Variants in OPRM1 observed in about 807,000 individuals in gnomAD.
OPRM1 encodes the protein mu-type opioid receptor.
Under a neutral mutation model 31.8 loss-of-function variants are expected in OPRM1, and 27 were observed. That is an observed-to-expected ratio of 0.85 (90% CI 0.63 to 1.17). The LOEUF (loss-of-function observed/expected upper bound fraction) is 1.17. OPRM1 is among the 50% of genes most tolerant of loss of function. OPRM1 has a pLI of 0.00. For missense variants in OPRM1, 536 were observed against 511.1 expected, an observed-to-expected ratio of 1.05 and a Z score of -0.47; for synonymous variants, 196 against 189.9, an observed-to-expected ratio of 1.03 and a Z score of -0.26.
chr6:154,013,931 T>G (rs1777865031), intron 1 of OPRM1, among the ~76,000 whole-genome samples: 1 of 152,154 alleles, frequency 6.6e-6, no homozygotes, highest in Non-Finnish European at 1.5e-5. Context: ...AGTCATATTG[T>G]TGATCCTAGA....
At chr6:154,149,551 T>C (rs1408060300) in intron 3 of OPRM1, among the ~76,000 whole-genome samples, 1 of 152,098 alleles carries the variant, frequency 6.6e-6, no homozygotes, top group Non-Finnish European at 1.5e-5. Flanking sequence ...ATTGTGACTT[T>C]CTTTTGAAGC....
chr6:154,199,991 T>C (rs752204382), intron 3 of OPRM1: 34 of 1,614,074 alleles, frequency 2.1e-5, no homozygotes, highest in Non-Finnish European at 2.9e-5. Context: ...AGAGAAAGAA[T>C]ACGACGTTCC....
intron 3 of OPRM1, among the ~76,000 whole-genome samples, chr6:154,116,312 C>T (rs1221569462): frequency 3.3e-5 from 5 of 152,002 alleles, no homozygotes; most frequent in Admixed American, 2.0e-4. Flanking sequence ...TTCAGTTGGG[C>T]GTGGTGCCTC....
At chr6:154,243,229 C>T (rs1016201961) in intron 3 of OPRM1, among the ~76,000 whole-genome samples, 3 of 152,124 alleles carry the variant, frequency 2.0e-5, no homozygotes, top group Admixed American at 1.3e-4. Flanking sequence ...AGGAAGTGAA[C>T]GTGTACCTTC....
At chr6:154,049,794 T>C (rs569695650) in intron 1 of OPRM1, among the ~76,000 whole-genome samples, 1 of 152,274 alleles carries the variant, frequency 6.6e-6, no homozygotes, top group East Asian at 1.9e-4. Flanking sequence ...AAATTTAAAA[T>C]ATATACAGCG....
At chr6:154,176,105 TTCAACAAAAA>T (rs1344410254) in intron 3 of OPRM1, among the ~76,000 whole-genome samples, 3 of 152,152 alleles carry the variant, frequency 2.0e-5, no homozygotes, top group Admixed American at 6.5e-5. Context: ...AGAAAAGGCC[TTCAACAAAAA>T]TCAACAGCCT....
intron 3 of OPRM1, among the ~76,000 whole-genome samples, chr6:154,162,691 G>A (rs1222832448): frequency 8.0e-6 from 1 of 124,686 alleles, no homozygotes; most frequent in Non-Finnish European, 1.8e-5. Context: ...CTTGTATCCT[G>A]TTCTCTGCTC....
intron 3 of OPRM1, chr6:154,160,105 T>A (rs1419990349): frequency 1.6e-6 from 2 of 1,241,774 alleles, no homozygotes; most frequent in African/African-American, 3.0e-5. Context: ...ATAAACCATC[T>A]TTACCAACTC....
At chr6:154,187,631 T>C (rs1273957985) in intron 3 of OPRM1, among the ~76,000 whole-genome samples, 3 of 152,194 alleles carry the variant, frequency 2.0e-5, no homozygotes, top group Admixed American at 2.0e-4. Flanking sequence ...TAGTTATATA[T>C]GGCTTGGCTC....
At chr6:154,099,678 CAT>C (rs1491189245) in intron 3 of OPRM1, among the ~76,000 whole-genome samples, 2 of 30,808 alleles carry the variant, frequency 6.5e-5, no homozygotes, top group Non-Finnish European at 1.2e-4. Flanking sequence ...TATATACACA[CAT>C]ATATATGATG....
intron 3 of OPRM1, among the ~76,000 whole-genome samples, chr6:154,099,248 G>A (rs764227877): frequency 6.7e-5 from 10 of 149,724 alleles, no homozygotes; most frequent in African/African-American, 2.5e-5. Flanking sequence ...TTGTGCCACC[G>A]CACTCTAGGC....
chr6:154,193,155 G>T (rs145784585), intron 3 of OPRM1, among the ~76,000 whole-genome samples: 1 of 152,008 alleles, frequency 6.6e-6, no homozygotes, highest in African/African-American at 2.4e-5. Flanking sequence ...AAGAAACTGT[G>T]GTACATATAT....
downstream of OPRM1, among the ~76,000 whole-genome samples, chr6:154,135,026 A>T (rs1244477221): frequency 6.6e-6 from 1 of 152,232 alleles, no homozygotes; most frequent in Non-Finnish European, 1.5e-5. Flanking sequence ...CAAGACGTGG[A>T]CAATTTCACT....
intron 3 of OPRM1, among the ~76,000 whole-genome samples, chr6:154,161,778 T>C (rs181556098): frequency 1.1e-4 from 16 of 152,338 alleles, no homozygotes; most frequent in African/African-American, 3.4e-4. Context: ...AAGTGCCATG[T>C]AGACATTCAA....
At chr6:154,211,923 T>C (rs998529001) in intron 3 of OPRM1, among the ~76,000 whole-genome samples, 2 of 152,192 alleles carry the variant, frequency 1.3e-5, no homozygotes, top group Non-Finnish European at 2.9e-5. Context: ...TAGGAAAGAC[T>C]TAGACACTTC....
At chr6:154,132,937 C>T (rs999596687), downstream of OPRM1, among the ~76,000 whole-genome samples, 4 of 151,952 alleles carry the variant, frequency 2.6e-5, no homozygotes, top group South Asian at 4.1e-4. Flanking sequence ...CTGGCTAACA[C>T]GGTGAAACCC....
chr6:154,152,348 G>A (rs113317442), intron 3 of OPRM1, among the ~76,000 whole-genome samples: 400 of 2,366 alleles, frequency 0.17, 8 homozygotes, highest in South Asian at 0.19. Context: ...AGAAAGAAAG[G>A]AAAGAAAGAA....
Position 154,081,478 on chromosome 6 carries a change from C to G in OPRM1, c.291-8348C>G, listed in dbSNP as rs536341499. 1.0e-3 allele frequency among the ~76,000 whole-genome samples: 154 copies of G among 152,142 alleles called. 1 individual carries two copies. The highest frequency in any genetic ancestry group is 3.4e-3 in the African/African-American group (141 of 41,506). On this transcript the variant is annotated intron_variant, in intron 1 of 3. Coordinates refer to ENST00000330432, the MANE Select transcript of OPRM1 (RefSeq NM_000914.5). ...CCGAGATCGCGCCACTGCACTCCAG[C>G]CTGGGCAACAGAGTGAGACTCCATC...
Position 154,207,077 on chromosome 6 carries a change from G to C in OPRM1, c.1165-39616G>C, listed in dbSNP as rs927263280. On this transcript the variant is annotated intron_variant, in intron 3 of 3. Transcript: ENST00000337049. ...TTTAGGAGGAGAGAGAGAGGGACTA[G>C]AGACAGGGAAAGAAAAATAGCCTGC... is the stretch of plus-strand genomic sequence containing the variant. Among the ~76,000 whole-genome samples the C allele has an allele frequency of 3.3e-5, 5 of 152,186 alleles. No homozygotes were observed. In the East Asian group the frequency reaches 5.8e-4, roughly 18 times the overall value.
Sources: gnomAD v4.1 joint callset for allele counts (sites outside exome capture counted in the v4.1 genomes callset) on GRCh38, gnomAD v4.1.1 for gene constraint, MANE v1.5 for transcripts, NCBI Gene and HGNC (gene_info 2026-07-23, HGNC 2026-07-21) for gene names.